FBXW11: variants seen among roughly 807,000 people sequenced by gnomAD.
FBXW11 encodes F-box/WD repeat-containing protein 11.
A neutral mutation model predicts 77.6 loss-of-function variants in FBXW11; 19 were observed. That is an observed-to-expected ratio of 0.24 (90% CI 0.17 to 0.36). The LOEUF (loss-of-function observed/expected upper bound fraction) is 0.36. Among genes scored for constraint, FBXW11 ranks in the 10% least tolerant of loss-of-function variants. The pLI is 1.00. For synonymous variants in FBXW11, 235 were observed against 249.4 expected, an observed-to-expected ratio of 0.94 and a Z score of 0.54; for missense variants, 334 against 704.2, an observed-to-expected ratio of 0.47 and a Z score of 5.95.
At chr5:171,984,627 A>C (rs1240241848) in intron 1 of FBXW11, among the ~76,000 whole-genome samples, 2 of 152,204 alleles carry the variant, frequency 1.3e-5, no homozygotes, top group Non-Finnish European at 2.9e-5. Flanking sequence ...GTGTGGGGGA[A>C]AGGACCTTAT....
intron 2 of FBXW11, among the ~76,000 whole-genome samples, chr5:171,920,123 A>G (rs933193145): frequency 1.3e-5 from 2 of 152,128 alleles, no homozygotes; most frequent in African/African-American, 4.8e-5. Flanking sequence ...AGATCGCACC[A>G]CTGCACTCCA....
At chr5:171,965,820 C>T (rs1764153981) in intron 1 of FBXW11, among the ~76,000 whole-genome samples, 1 of 151,890 alleles carries the variant, frequency 6.6e-6, no homozygotes, top group South Asian at 2.1e-4. Context: ...GGCTCTGTGT[C>T]CCCACCCAAA....
At chr5:171,994,736 C>CCTGA in intron 1 of FBXW11, among the ~76,000 whole-genome samples, 1 of 152,236 alleles carries the variant, frequency 6.6e-6, no homozygotes, top group South Asian at 2.1e-4. Context: ...ACCAGACTGT[C>CCTGA]CTGACTATCC....
At chr5:171,951,634 G>A (rs763545480) in intron 2 of FBXW11, among the ~76,000 whole-genome samples, 13 of 152,100 alleles carry the variant, frequency 8.5e-5, no homozygotes, top group Non-Finnish European at 1.6e-4. Flanking sequence ...GAGATTACAG[G>A]TGCATGCCAC....
chr5:171,878,267 G>C lies in FBXW11; in HGVS notation c.853-138C>G, dbSNP rs1200019782. 5 of 623,730 alleles carry C rather than the reference G, an allele frequency of 8.0e-6. No individual in the cohort carries two copies. In the East Asian group the frequency reaches 1.4e-4, roughly 17 times the overall value. 38.6% of individuals were successfully genotyped at this position (623,730 alleles called of 1,614,324 possible). Reference sequence around the variant, plus strand: ...AATAAGAAACACTGAATAACAAACAGGTAAGAAATGACAAGAAGGAATACA... The same window carrying C: ...AATAAGAAACACTGAATAACAAACACGTAAGAAATGACAAGAAGGAATACA... On this transcript the variant is annotated intron_variant, in intron 7 of 13. Transcript: ENST00000517395.
intron 6 of FBXW11, 101 bp downstream of exon 6, chr5:171,898,903 A>G (rs955782248): frequency 1.1e-5 from 7 of 620,240 alleles, no homozygotes; most frequent in African/African-American, 9.4e-5. Flanking sequence ...AAAAAAAATT[A>G]TTAGTTCTAC....
chr5:171,944,134 T>C (rs2113199474), intron 2 of FBXW11, among the ~76,000 whole-genome samples: 1 of 152,166 alleles, frequency 6.6e-6, no homozygotes, highest in East Asian at 1.9e-4. Context: ...AATGTCAAAT[T>C]ATGCTATGAG....
intron 7 of FBXW11, among the ~76,000 whole-genome samples, chr5:171,889,023 A>G (rs979854961): frequency 2.0e-5 from 3 of 152,214 alleles, no homozygotes; most frequent in African/African-American, 7.2e-5. Context: ...ATATCAAAAG[A>G]TATAGTATTT....
At chr5:171,975,490 T>C (rs1293342621) in intron 1 of FBXW11, among the ~76,000 whole-genome samples, 2 of 152,046 alleles carry the variant, frequency 1.3e-5, no homozygotes, top group African/African-American at 4.8e-5. Context: ...TCTAGAACAA[T>C]CAGAAGAGTT....
chr5:171,990,078 G>T (rs1214852764), intron 1 of FBXW11, among the ~76,000 whole-genome samples: 1 of 151,842 alleles, frequency 6.6e-6, no homozygotes, highest in African/African-American at 2.4e-5. Flanking sequence ...AGGGAGGTAG[G>T]GAGGAAGGAA....
chr5:171,888,158 T>C (rs751610605), intron 7 of FBXW11, among the ~76,000 whole-genome samples: 1 of 152,202 alleles, frequency 6.6e-6, no homozygotes, highest in Middle Eastern at 3.4e-3. Flanking sequence ...GACGACACAC[T>C]GCAGAACAAT....
chr5:171,908,532 G>A (rs839288), intron 4 of FBXW11, among the ~76,000 whole-genome samples: 10,353 of 152,110 alleles, frequency 0.068, 903 homozygotes, highest in African/African-American at 0.21. Flanking sequence ...ATCCCCTTCA[G>A]CAATTAAATA....
intron 2 of FBXW11, among the ~76,000 whole-genome samples, chr5:171,928,779 T>A (rs977177187): frequency 6.6e-6 from 1 of 152,186 alleles, no homozygotes; most frequent in Non-Finnish European, 1.5e-5. Context: ...TGAATTCAAA[T>A]TTGTGAATTT....
chr5:171,952,442 TATA>T lies in FBXW11; in HGVS notation c.147+5152_147+5154del, dbSNP rs1333000526. Among the ~76,000 whole-genome samples, 68 of 24,546 alleles carry T rather than the reference TATA, an allele frequency of 2.8e-3. 2 individuals carry two copies. Among genetic ancestry groups the T allele is most frequent in the African/African-American group, 9.2e-3 (66 of 7,178 alleles). The allele number at this position is 24,546 out of a possible 152,430, so 16.1% of individuals were successfully genotyped here. ...ACATACATATATATATATATATATA[TATA>T]TATTTTTTTTTTTTTTTTTTTTTTT... On this transcript the variant is annotated intron_variant, in intron 2 of 13. Coordinates refer to ENST00000517395, the MANE Select transcript of FBXW11 (RefSeq NM_001378974.1).
At position 171,899,952 on chromosome 5, in the gene FBXW11, A is replaced by G; in HGVS notation, c.585T>C (p.Thr195=). 1 of 1,612,702 alleles carries G rather than the reference A, an allele frequency of 6.2e-7. No individual in the cohort carries two copies. Among genetic ancestry groups the G allele is most frequent in the Non-Finnish European group, 8.5e-7 (1 of 1,179,258 alleles). The change falls in exon 5 of 14, where the codon ACT becomes ACC. Residue 195 remains threonine (T), a synonymous_variant. Transcript: ENST00000517395. ...CTGAAAGTCCTTTCCATAGGGGATC[A>G]GTGCGTACCATTCGTTCAATCAGCT... ...WKKLIERMVR[T]DPLWKGLSER... is the part of the protein sequence containing the mutation.
chr5:171,922,920 T>C (rs944091412), intron 2 of FBXW11, among the ~76,000 whole-genome samples: 4 of 152,164 alleles, frequency 2.6e-5, no homozygotes, highest in East Asian at 1.9e-4. Flanking sequence ...TGTGTGTGTG[T>C]GCGTGTGTGT....
intron 1 of FBXW11, among the ~76,000 whole-genome samples, chr5:171,975,955 T>C (rs924443330): frequency 6.6e-6 from 1 of 152,056 alleles, no homozygotes; most frequent in Non-Finnish European, 1.5e-5. Flanking sequence ...AAAATGATGA[T>C]TATCAGGTGA....
intron 4 of FBXW11, among the ~76,000 whole-genome samples, chr5:171,905,614 A>G (rs551169959): frequency 5.4e-5 from 6 of 111,222 alleles, no homozygotes; most frequent in South Asian, 6.8e-4. Flanking sequence ...TTTTCTTGGT[A>G]TAAGTCTCAT....
At position 172,006,573 on chromosome 5, in the gene FBXW11, G is replaced by T; in HGVS notation, c.-71C>A. ...CGGCCCGGGCGGAGGAGGCGACGGC[G>T]GAGGCGGCAGAGGCGGAGGCGGCTA... On this transcript the variant is annotated 5_prime_UTR_variant, in exon 1 of 14. Transcript: ENST00000517395. The T allele has an allele frequency of 7.0e-7, 1 of 1,431,364 alleles. No individual in the cohort carries two copies. Among genetic ancestry groups the T allele is most frequent in the Non-Finnish European group, 9.2e-7 (1 of 1,089,520 alleles). 88.7% of individuals were successfully genotyped at this position (1,431,364 alleles called of 1,614,324 possible). A position where few individuals can be genotyped will look rare whatever the true frequency, so the allele number is the denominator to read the frequency against.
Sources: allele counts gnomAD v4.1 joint callset (sites outside exome capture counted in the v4.1 genomes callset), GRCh38; gene constraint gnomAD v4.1.1; transcripts MANE v1.5; gene names NCBI Gene and HGNC (gene_info 2026-07-23, HGNC 2026-07-21).